Variants in TREH observed in about 807,000 individuals in gnomAD.
The protein encoded by TREH is trehalase, also known as alpha,alpha-trehalose glucohydrolase.
A neutral mutation model predicts 80.5 loss-of-function variants in TREH; 69 were observed. The ratio of observed to expected loss-of-function variants is 0.86; its 90% CI spans 0.71 to 1.05. The LOEUF is 1.05. Among genes scored for constraint, TREH ranks in the 50% least tolerant of loss-of-function variants. The pLI is 0.00. For missense variants in TREH, 716 were observed against 718.8 expected (o/e 1.00, Z 0.04); for synonymous variants, 309 against 293.5 (o/e 1.05, Z -0.54).
intron 1 of TREH, among the ~76,000 whole-genome samples, chr11:118,676,631 G>A (rs1475293017): frequency 6.6e-6 from 1 of 152,084 alleles, no homozygotes; most frequent in Non-Finnish European, 1.5e-5. Flanking sequence ...GCCAGGCGTG[G>A]TGGTGCGTGC....
Position 118,658,401 on chromosome 11 carries a change from A to G in TREH, c.1640T>C (p.Leu547Pro). The change falls in exon 15 of 15, where the codon CTG becomes CCG. Residue 547 changes from leucine to proline, a missense_variant. Transcript: ENST00000264029. Reference protein sequence around the residue: ...GWTNGVVLMLLDRYGDRLTSG... With the variant: ...GWTNGVVLMLPDRYGDRLTSG... ...GGTCAGCCGGTCACCATAGCGGTCC[A>G]GCAGCATCAGGACCACGCCATTCGT... 1 of 1,611,112 alleles carries G rather than the reference A, an allele frequency of 6.2e-7. No homozygotes were observed. The highest frequency in any genetic ancestry group is 1.1e-5 in the South Asian group (1 of 90,600).
chr11:118,679,184 A>G (rs1949509278), intron 1 of TREH, among the ~76,000 whole-genome samples: 1 of 152,120 alleles, frequency 6.6e-6, no homozygotes, highest in Non-Finnish European at 1.5e-5. Flanking sequence ...GTAAAAATCA[A>G]TGACAGGCTG....
At chr11:118,679,082 G>A (rs1210062479) in intron 1 of TREH, among the ~76,000 whole-genome samples, 3 of 152,192 alleles carry the variant, frequency 2.0e-5, no homozygotes, top group Admixed American at 2.0e-4. Flanking sequence ...CTGGTATCAG[G>A]ACTGCAGGTC....
chr11:118,679,402 T>C, intron 1 of TREH, 137 bp downstream of exon 1: 1 of 1,169,174 alleles, frequency 8.6e-7, no homozygotes, highest in Non-Finnish European at 1.1e-6. Flanking sequence ...GGAATTCTCA[T>C]TTTCTTCTCT....
intron 1 of TREH, among the ~76,000 whole-genome samples, chr11:118,669,034 TTAAG>T (rs1555145968): frequency 2.0e-5 from 3 of 151,994 alleles, no homozygotes; most frequent in African/African-American, 4.8e-5. Context: ...ATACATTCCC[TTAAG>T]TAAGAAAAGA....
rs1448236098 is a variant in TREH at position 118,674,013 on chromosome 11, C to T, written c.89+5526G>A. On this transcript the variant is annotated intron_variant, in intron 1 of 14. Transcript: ENST00000264029. The surrounding 1 kb of genome is among the most constrained non-coding windows in gnomAD (Gnocchi z 4.4). Reference sequence around the variant, plus strand: ...TCAGTCCTAGGGGAAAAGAGTCTCTCTGCTTTTGAATACACTGAGTAACTG... The same window carrying T: ...TCAGTCCTAGGGGAAAAGAGTCTCTTTGCTTTTGAATACACTGAGTAACTG... 7.4e-6 allele frequency among the ~76,000 whole-genome samples: 1 copy of T among 135,380 alleles called. No homozygotes were observed. The highest frequency in any genetic ancestry group is 1.6e-5 in the Non-Finnish European group (1 of 62,312). The allele number at this position is 135,380 out of a possible 152,430, so 88.8% of individuals were successfully genotyped here.
At chr11:118,676,419 A>G (rs1302476241) in intron 1 of TREH, among the ~76,000 whole-genome samples, 1 of 152,142 alleles carries the variant, frequency 6.6e-6, no homozygotes, top group Non-Finnish European at 1.5e-5. Flanking sequence ...GGCTGCAGTG[A>G]GCCATGACTG....
In TREH at chr11:118,662,032, C is replaced by T. The variant is rs374293459; in HGVS notation, c.424-42G>A. 2.9e-5 allele frequency: 43 copies of T among 1,482,166 alleles called. 1 individual carries two copies. The African/African-American group carries it at 3.2e-4, about 11-fold the overall frequency. The allele number at this position is 1,482,166 out of a possible 1,614,324, so 91.8% of individuals were successfully genotyped here. A position where few individuals can be genotyped will look rare whatever the true frequency, so the allele number is the denominator to read the frequency against. ...GGGCAAGGGGAGCCTAGAATCCCCACGGAAGCAGAGGCTACAGGCAGCTGG... is the reference window on the plus strand; with the variant it reads ...GGGCAAGGGGAGCCTAGAATCCCCATGGAAGCAGAGGCTACAGGCAGCTGG... On this transcript the variant is annotated intron_variant, in intron 4 of 14. Transcript: ENST00000264029.
In TREH at chr11:118,658,065, C is replaced by A. The variant is rs1555143388; in HGVS notation, c.*224G>T. On this transcript the variant is annotated 3_prime_UTR_variant, in exon 15 of 15. Coordinates refer to ENST00000264029, the MANE Select transcript of TREH (RefSeq NM_007180.3). Reference sequence around the variant, plus strand: ...GCCGGTGTGGGGCTTGGCGCTGAGGCACTTGGGGATAGGTCTTCCCTCCAG... The same window carrying A: ...GCCGGTGTGGGGCTTGGCGCTGAGGAACTTGGGGATAGGTCTTCCCTCCAG... 4 of 595,432 alleles carry A rather than the reference C, an allele frequency of 6.7e-6. No homozygotes were observed. The highest frequency in any genetic ancestry group is 1.2e-5 in the Non-Finnish European group (4 of 345,022). 36.9% of individuals were successfully genotyped at this position (595,432 alleles called of 1,614,324 possible).
intron 9 of TREH, 26 bp from the exon 10 acceptor site, chr11:118,660,759 C>G: frequency 1.3e-6 from 2 of 1,555,306 alleles, no homozygotes; most frequent in Non-Finnish European, 1.7e-6. Flanking sequence ...AGGGAACCAG[C>G]CAGTCCCGGC....
At chr11:118,662,601 C>T in intron 4 of TREH, 3 of 463,644 alleles carry the variant, frequency 6.5e-6, no homozygotes, top group African/African-American at 2.0e-5. Context: ...CCAGTGGTGC[C>T]AGAGGCAGTG....
In TREH at chr11:118,663,484, C is replaced by A. The variant is rs545535636; in HGVS notation, c.90-45G>T. 3.5e-6 allele frequency: 5 copies of A among 1,449,242 alleles called. No individual in the cohort carries two copies. In the East Asian group the frequency reaches 9.9e-5, roughly 29 times the overall value. The allele number at this position is 1,449,242 out of a possible 1,614,324, so 89.8% of individuals were successfully genotyped here. A position where few individuals can be genotyped will look rare whatever the true frequency, so the allele number is the denominator to read the frequency against. On this transcript the variant is annotated intron_variant, in intron 1 of 14. Transcript: ENST00000264029. ...AGCAGGTCAGGTCACCACCACCACC[C>A]CATTAGGACAGAAGAGAAGGCTAGA...
rs782161886 is a variant in TREH, at chr11:118,657,641, G to A, written c.*648C>T. The A allele has an allele frequency of 6.5e-6, 1 of 153,562 alleles. No homozygotes were observed. The highest frequency in any genetic ancestry group is 1.5e-5 in the Non-Finnish European group (1 of 68,784). 9.5% of individuals were successfully genotyped at this position (153,562 alleles called of 1,614,324 possible). A position where few individuals can be genotyped will look rare whatever the true frequency, so the allele number is the denominator to read the frequency against. On this transcript the variant is annotated 3_prime_UTR_variant, in exon 15 of 15. Transcript: ENST00000264029. Reference sequence around the variant, plus strand: ...TTAGAGCCAGAAGGGATGAAGCCGGGGGATCTATGGAACAGAGGAGGAGCG... The same window carrying A: ...TTAGAGCCAGAAGGGATGAAGCCGGAGGATCTATGGAACAGAGGAGGAGCG...
Position 118,661,566 on chromosome 11 carries a change from A to G in TREH, c.618-57T>C. Reference sequence around the variant, plus strand: ...CTCCCCAGCAACTGGCACCAAGGCAATCCAGCTGCATGCCCGTGGCACACC... The same window carrying G: ...CTCCCCAGCAACTGGCACCAAGGCAGTCCAGCTGCATGCCCGTGGCACACC... On this transcript the variant is annotated intron_variant, in intron 6 of 14. Coordinates refer to ENST00000264029, the MANE Select transcript of TREH (RefSeq NM_007180.3). The surrounding 1 kb of genome is among the most constrained non-coding windows in gnomAD (Gnocchi z 4.2). 6.2e-7 allele frequency: 1 copy of G among 1,612,528 alleles called. No homozygotes were observed. Among genetic ancestry groups the G allele is most frequent in the Non-Finnish European group, 8.5e-7 (1 of 1,178,832 alleles).
rs1444359167 is a variant in TREH at position 118,673,238 on chromosome 11, T to C, written c.89+6301A>G. Among the ~76,000 whole-genome samples, 5 of 152,022 alleles carry C rather than the reference T, an allele frequency of 3.3e-5. No individual in the cohort carries two copies. The East Asian group carries it at 7.7e-4, about 23-fold the overall frequency. ...AACTCAGTGGTTCAAATTGGTGGAGTATCTTTTGTTCTGACCCTTTTACAG... is the reference window on the plus strand; with the variant it reads ...AACTCAGTGGTTCAAATTGGTGGAGCATCTTTTGTTCTGACCCTTTTACAG... On this transcript the variant is annotated intron_variant, in intron 1 of 14. Coordinates refer to ENST00000264029, the MANE Select transcript of TREH (RefSeq NM_007180.3).
Position 118,661,146 on chromosome 11 carries a change from G to A in TREH, c.857+14C>T. 2 of 1,613,762 alleles carry A rather than the reference G, an allele frequency of 1.2e-6. No individual in the cohort carries two copies. Among genetic ancestry groups the A allele is most frequent in the Non-Finnish European group, 1.7e-6 (2 of 1,179,862 alleles). On this transcript the variant is annotated intron_variant, in intron 8 of 14. Coordinates refer to ENST00000264029, the MANE Select transcript of TREH (RefSeq NM_007180.3). This position sits in a 1 kb window ranked among gnomAD's most constrained non-coding sequence, Gnocchi z 4.2. ...CAGGTAAGAGATTGAGGGGTGGGCT[G>A]CCCAGTTCCTCACCTGGGTCCCCCA...
rs1428403471 is a variant in TREH at position 118,659,946 on chromosome 11, G to A, written c.1121C>T (p.Thr374Met). The A allele has an allele frequency of 5.8e-6, 9 of 1,551,528 alleles. No homozygotes were observed. Among genetic ancestry groups the A allele is most frequent in the East Asian group, 4.9e-5 (2 of 40,914 alleles). The change falls in exon 11 of 15, where the codon ACG becomes ATG. Residue 374 changes from threonine (T) to methionine (M), a missense_variant. By Grantham distance (81) the Thr-to-Met change is moderately conservative. Transcript: ENST00000264029. ...YSRLGNDSQA[T>M]KYRILRSQRL... is the part of the protein sequence containing the mutation. ...CTGCGACCGCAGGATTCTGTACTTCGTGGCCTGGGAGTCGTTCCCTGGGGC... is the reference window on the plus strand; with the variant it reads ...CTGCGACCGCAGGATTCTGTACTTCATGGCCTGGGAGTCGTTCCCTGGGGC...
chr11:118,663,425 T>C lies in TREH; in HGVS notation c.104A>G (p.His35Arg), dbSNP rs1555145406. The C allele has an allele frequency of 6.3e-7, 1 of 1,582,064 alleles. No homozygotes were observed. The highest frequency in any genetic ancestry group is 8.6e-7 in the Non-Finnish European group (1 of 1,164,862). The change falls in exon 2 of 15, where the codon CAC becomes CGC. Residue 35 changes from histidine (H) to arginine (R), a missense_variant. By Grantham distance (29) the His-to-Arg change is conservative. Transcript: ENST00000264029. ...PPPCESEIYC[H>R]GELLNQVQMA... is the part of the protein sequence containing the mutation. ...TTGAACTTGGTTTAGGAGCTCCCCG[T>C]GGCAGTAAATCTCACTGCAGAGACA... is the stretch of plus-strand genomic sequence containing the variant.
intron 1 of TREH, among the ~76,000 whole-genome samples, chr11:118,679,204 G>A (rs567656181): frequency 1.8e-3 from 275 of 152,232 alleles, no homozygotes; most frequent in African/African-American, 6.2e-3. Context: ...GGGCGTGGTG[G>A]TGCATGCCTG....
Sources: gnomAD v4.1 joint callset for allele counts (sites outside exome capture counted in the v4.1 genomes callset) on GRCh38, gnomAD v4.1.1 for gene constraint, Gnocchi (gnomAD v3.1) non-coding constraint, MANE v1.5 for transcripts, NCBI Gene and HGNC (gene_info 2026-07-23, HGNC 2026-07-21) for gene names.